PHLDB2: variants seen among roughly 807,000 people sequenced by gnomAD.
PHLDB2 encodes pleckstrin homology like domain family B member 2.
A neutral mutation model predicts 123.6 loss-of-function variants in PHLDB2; 71 were observed. That is an observed-to-expected ratio of 0.57 (90% CI 0.47 to 0.70). PHLDB2 has a LOEUF of 0.70. Among genes scored for constraint, PHLDB2 ranks in the 30% least tolerant of loss-of-function variants. PHLDB2 has a pLI of 0.00. For synonymous variants in PHLDB2, 547 were observed against 541.6 expected (o/e 1.01, Z -0.14); for missense variants, 1,446 against 1,519.5 (o/e 0.95, Z 0.80).
chr3:111,892,340 A>C (rs2066553610), intron 2 of PHLDB2, among the ~76,000 whole-genome samples: 1 of 152,184 alleles, frequency 6.6e-6, no homozygotes, highest in East Asian at 1.9e-4. Context: ...ATAACTATAT[A>C]ATTTTAATCA....
chr3:111,874,263 CTG>C (rs2065488888), intron 1 of PHLDB2, among the ~76,000 whole-genome samples: 1 of 152,190 alleles, frequency 6.6e-6, no homozygotes, highest in Admixed American at 6.5e-5. Flanking sequence ...TCGCCCCACT[CTG>C]TGTTCCTTTT....
rs1266521518 is a variant in PHLDB2, at chr3:111,831,026, AAAGAAAGGAAGGAAGG to A, written c.-48-14787_-48-14772del. Among the ~76,000 whole-genome samples the A allele has an allele frequency of 1.9e-3, 151 of 78,688 alleles. 15 individuals are homozygous for A. Among genetic ancestry groups the A allele is most frequent in the Non-Finnish European group, 2.5e-3 (79 of 31,948 alleles). 51.6% of individuals were successfully genotyped at this position (78,688 alleles called of 152,430 possible). A position where few individuals can be genotyped will look rare whatever the true frequency, so the allele number is the denominator to read the frequency against. Reference sequence around the variant, plus strand: ...GAAAGAAAGAAAGAAAGAAAGAAAGAAAGAAAGGAAGGAAGGAAGAAAGAGAAAAGAGAGAGATAGA... The same window carrying A: ...GAAAGAAAGAAAGAAAGAAAGAAAGAAAGAAAGAGAAAAGAGAGAGATAGA... On this transcript the variant is annotated intron_variant, in intron 1 of 17. Coordinates refer to the PHLDB2 transcript ENST00000393923.
chr3:111,968,747 G>A (rs2071974196), intron 15 of PHLDB2, among the ~76,000 whole-genome samples: 1 of 152,154 alleles, frequency 6.6e-6, no homozygotes, highest in Admixed American at 6.5e-5. Flanking sequence ...AAGTATTGAA[G>A]GAAAAGTAGA....
chr3:111,959,249 G>A (rs1321719108), intron 12 of PHLDB2, among the ~76,000 whole-genome samples: 1 of 152,264 alleles, frequency 6.6e-6, no homozygotes, highest in Admixed American at 6.5e-5. Context: ...CAGGAGAGGG[G>A]CCCATGCCCG....
rs1559857731 is a variant in PHLDB2 at position 111,834,030 on chromosome 3, TAA to T, written c.-48-11790_-48-11789del. ...AATATATGTAATAGAATTATATATATAATATATGTAATAGAATTATATATAAT... is the reference window on the plus strand; with the variant it reads ...AATATATGTAATAGAATTATATATATTATATGTAATAGAATTATATATAAT... On this transcript the variant is annotated intron_variant, in intron 1 of 17. Transcript: ENST00000393923. Among the ~76,000 whole-genome samples the T allele has an allele frequency of 1.8e-5, 2 of 111,108 alleles. 1 individual carries two copies. Among genetic ancestry groups the T allele is most frequent in the South Asian group, 5.9e-4 (2 of 3,392 alleles). The allele number at this position is 111,108 out of a possible 152,430, so 72.9% of individuals were successfully genotyped here. A position where few individuals can be genotyped will look rare whatever the true frequency, so the allele number is the denominator to read the frequency against.
Position 111,973,807 on chromosome 3 carries a change from A to C in PHLDB2, c.3611A>C (p.Asn1204Thr). Reference protein sequence around the residue: ...IEEVYYDHLKNANKSPNPLLT... With the variant: ...IEEVYYDHLKTANKSPNPLLT... Reference sequence around the variant, plus strand: ...GAAGTCTATTATGATCACCTCAAGAATGCTAATAAGGTAAACATCAGTTTT... The same window carrying C: ...GAAGTCTATTATGATCACCTCAAGACTGCTAATAAGGTAAACATCAGTTTT... The change falls in exon 17 of 18, where the codon AAT becomes ACT. Residue 1204 changes from asparagine (N) to threonine (T), a missense_variant. By Grantham distance (65) the Asn-to-Thr change is moderately conservative. This residue lies in a region of PHLDB2 where 594 missense variants were observed against 646.0 expected (regional missense o/e 0.92). Transcript: ENST00000431670. 1 of 1,574,322 alleles carries C rather than the reference A, an allele frequency of 6.4e-7. No individual in the cohort carries two copies. The highest frequency in any genetic ancestry group is 8.7e-7 in the Non-Finnish European group (1 of 1,149,584).
intron 1 of PHLDB2, among the ~76,000 whole-genome samples, chr3:111,751,168 GGTGTGTGTGTGTGT>G (rs35962012): frequency 2.6e-4 from 37 of 144,044 alleles, no homozygotes; most frequent in African/African-American, 6.2e-4. Context: ...GAGACAATGG[GGTGTGTGTGTGTGT>G]GTGTGTGTGT....
chr3:111,888,547 A>G (rs557243006), intron 2 of PHLDB2, among the ~76,000 whole-genome samples: 1 of 152,176 alleles, frequency 6.6e-6, no homozygotes, highest in Non-Finnish European at 1.5e-5. Flanking sequence ...AAATGAAGAA[A>G]ACTCTTTGCA....
At chr3:111,908,407 A>T (rs1025213554) in intron 2 of PHLDB2, among the ~76,000 whole-genome samples, 3 of 152,030 alleles carry the variant, frequency 2.0e-5, no homozygotes, top group African/African-American at 4.8e-5. Context: ...AGTAAAATTT[A>T]AAAAAAACTC....
rs2068428168 is a variant in PHLDB2 at position 111,920,376 on chromosome 3, A to G, written c.1958A>G (p.Lys653Arg). The stretch of plus-strand genomic sequence containing the variant: ...GAGATTTTGGATCATCTAAACCGGA[A>G]AATAGCTGAACTGGAAAAGAACATT... Reference protein sequence around the residue: ...EKEILDHLNRKIAELEKNIVG... With the variant: ...EKEILDHLNRRIAELEKNIVG... Residue 653 changes from lysine (K) to arginine (R), a missense_variant, in exon 5 of 18, where the codon AAA becomes AGA. This residue lies in a region of PHLDB2 where 832 missense variants were observed against 831.9 expected (regional missense o/e 1.00). Transcript: ENST00000431670. 1 of 1,613,914 alleles carries G rather than the reference A, an allele frequency of 6.2e-7. No individual in the cohort carries two copies. The highest frequency in any genetic ancestry group is 8.5e-7 in the Non-Finnish European group (1 of 1,179,946).
intron 5 of PHLDB2, among the ~76,000 whole-genome samples, chr3:111,923,898 A>G (rs1262742948): frequency 3.3e-5 from 5 of 152,170 alleles, no homozygotes; most frequent in African/African-American, 1.2e-4. Flanking sequence ...ACAGCAGCCA[A>G]TGTGATTAAA....
intron 1 of PHLDB2, among the ~76,000 whole-genome samples, chr3:111,788,439 G>A (rs1051708043): frequency 2.0e-5 from 3 of 152,136 alleles, no homozygotes; most frequent in Admixed American, 2.0e-4. Context: ...AGTCCAAGAG[G>A]AGAAAGCATG....
intron 1 of PHLDB2, among the ~76,000 whole-genome samples, chr3:111,869,154 AT>A (rs933979214): frequency 3.3e-4 from 50 of 151,072 alleles, no homozygotes; most frequent in African/African-American, 1.1e-3. Flanking sequence ...ACCATCTGGA[AT>A]TTTTTTTTTC....
intron 12 of PHLDB2, among the ~76,000 whole-genome samples, chr3:111,954,547 A>AT (rs906068594): frequency 1.2e-4 from 18 of 151,378 alleles, no homozygotes; most frequent in Admixed American, 2.6e-4. Context: ...GACTCTCAGC[A>AT]TTTTTTTTTG....
chr3:111,837,478 G>T (rs374263231), intron 1 of PHLDB2, among the ~76,000 whole-genome samples: 12 of 152,252 alleles, frequency 7.9e-5, no homozygotes, highest in African/African-American at 2.6e-4. Flanking sequence ...CAAAAAAAGT[G>T]TGTGCTGTAC....
chr3:111,913,652 A>G lies in PHLDB2; in HGVS notation c.1669A>G (p.Thr557Ala). 2 of 1,613,766 alleles carry G rather than the reference A, an allele frequency of 1.2e-6. No homozygotes were observed. Among genetic ancestry groups the G allele is most frequent in the East Asian group, 2.2e-5 (1 of 44,876 alleles). Residue 557 changes from threonine (T) to alanine (A), a missense_variant, in exon 3 of 18, where the codon ACC (threonine) becomes GCC (alanine). Coordinates refer to ENST00000431670, the MANE Select transcript of PHLDB2 (RefSeq NM_001134438.2). ...LTRTPPPPSS[T>A]FPKASSESSY... ...CCGGACTCCTCCACCACCATCCTCC[A>G]CCTTTCCGAAAGCTTCCAGCGAGTC...
chr3:111,794,685 CTT>C (rs1485520489), intron 1 of PHLDB2, among the ~76,000 whole-genome samples: 2 of 152,182 alleles, frequency 1.3e-5, no homozygotes, highest in Non-Finnish European at 2.9e-5. Flanking sequence ...TCCTAAATTG[CTT>C]TATAAGGCTA....
At chr3:111,947,248 T>G (rs1453774442) in intron 9 of PHLDB2, among the ~76,000 whole-genome samples, 1 of 152,214 alleles carries the variant, frequency 6.6e-6, no homozygotes, top group Non-Finnish European at 1.5e-5. Context: ...TTTCTGTTAA[T>G]GAGTTGCTCT....
At chr3:111,741,854 A>ATT in intron 1 of PHLDB2, among the ~76,000 whole-genome samples, 1 of 152,340 alleles carries the variant, frequency 6.6e-6, no homozygotes, top group African/African-American at 2.4e-5. Flanking sequence ...TGTCTAAACA[A>ATT]ATCTCAGGCC....
Sources: allele counts gnomAD v4.1 joint callset (sites outside exome capture counted in the v4.1 genomes callset), GRCh38; gene constraint gnomAD v4.1.1; regional missense constraint gnomAD v4.1.1; transcripts MANE v1.5; gene names NCBI Gene and HGNC (gene_info 2026-07-23, HGNC 2026-07-21).